KLRG1: variants seen among roughly 807,000 people sequenced by gnomAD.
The protein encoded by KLRG1 is killer cell lectin-like receptor subfamily G member 1.
KLRG1 carries 16 observed loss-of-function variants against 21.8 expected under a neutral mutation model. That is an observed-to-expected ratio of 0.73 (90% CI 0.50 to 1.11). The LOEUF is 1.11. Ranked by LOEUF, KLRG1 falls within the 50% of genes most tolerant of loss-of-function variation. KLRG1 has a pLI of 0.00. For missense variants in KLRG1, 173 were observed against 218.3 expected, an observed-to-expected ratio of 0.79 and a Z score of 1.31; for synonymous variants, 69 against 75.9, an observed-to-expected ratio of 0.91 and a Z score of 0.47.
At chr12:9,082,610 A>G in the KLRG1 span, among the ~76,000 whole-genome samples, 1 of 152,210 alleles carries the variant, frequency 6.6e-6, no homozygotes. Flanking sequence ...CTTTCTCCTC[A>G]AATGCACAAA....
At chr12:9,149,982 C>A in the KLRG1 span, among the ~76,000 whole-genome samples, 32 of 152,260 alleles carry the variant, frequency 2.1e-4, no homozygotes, top group South Asian at 6.4e-3. Flanking sequence ...CTTCTATAGA[C>A]CCCCAAAACT....
intron 1 of KLRG1, among the ~76,000 whole-genome samples, chr12:8,968,916 A>T (rs954220706): frequency 3.3e-5 from 5 of 152,246 alleles, no homozygotes; most frequent in Admixed American, 1.3e-4. Flanking sequence ...AAATGAAAAC[A>T]TTATCATCAT....
At chr12:9,117,006 A>T in the KLRG1 span, among the ~76,000 whole-genome samples, 1 of 152,152 alleles carries the variant, frequency 6.6e-6, no homozygotes, top group Admixed American at 6.5e-5. Context: ...CAGACCTGGA[A>T]CCTTTTAAAA....
intron 1 of KLRG1, among the ~76,000 whole-genome samples, chr12:8,953,654 G>T (rs1481221483): frequency 6.6e-6 from 1 of 151,960 alleles, no homozygotes; most frequent in Non-Finnish European, 1.5e-5. Flanking sequence ...CATTTTTTTT[G>T]GATAGAAATG....
chr12:9,046,804 G>A, the KLRG1 span, among the ~76,000 whole-genome samples: 1 of 152,272 alleles, frequency 6.6e-6, no homozygotes, highest in South Asian at 2.1e-4. Flanking sequence ...TAAAGAAAGG[G>A]AGAGCATTTA....
intron 1 of KLRG1, among the ~76,000 whole-genome samples, chr12:8,974,463 G>A (rs114950211): frequency 0.018 from 2,732 of 152,080 alleles, 76 homozygotes; most frequent in African/African-American, 0.062. Context: ...CACTGCGCCC[G>A]GCTGTCTCAG....
the KLRG1 span, among the ~76,000 whole-genome samples, chr12:9,142,014 A>G: frequency 6.6e-6 from 1 of 152,194 alleles, no homozygotes; most frequent in African/African-American, 2.4e-5. Context: ...TCCCTTTTAT[A>G]AATTTTTTCA....
the KLRG1 span, among the ~76,000 whole-genome samples, chr12:9,016,309 A>AT: frequency 1.3e-5 from 2 of 152,174 alleles, no homozygotes; most frequent in Admixed American, 6.5e-5. Flanking sequence ...AAAATCAGAG[A>AT]TAAAAAAAGG....
the KLRG1 span, chr12:9,166,017 C>T: frequency 6.4e-7 from 1 of 1,574,750 alleles, no homozygotes; most frequent in Admixed American, 2.0e-5. Context: ...ACATTCCCTC[C>T]CCTCCAGCAA....
chr12:8,958,900 A>G (rs1456204418), intron 1 of KLRG1, among the ~76,000 whole-genome samples: 1 of 152,086 alleles, frequency 6.6e-6, no homozygotes, highest in African/African-American at 2.4e-5. Context: ...TGGGGTTGAT[A>G]TGAATCTGTA....
the KLRG1 span, chr12:9,135,043 C>A: frequency 0.094 from 15,851 of 167,968 alleles, 923 homozygotes; most frequent in African/African-American, 0.16. Context: ...CCGGCGTTCC[C>A]GGGCCGCCCC....
At chr12:9,095,968 C>G in the KLRG1 span, among the ~76,000 whole-genome samples, 1 of 150,884 alleles carries the variant, frequency 6.6e-6, no homozygotes, top group Non-Finnish European at 1.5e-5. Flanking sequence ...ACCTTGTTAG[C>G]CAGGATGGTC....
the KLRG1 span, among the ~76,000 whole-genome samples, chr12:9,071,733 G>C: frequency 6.6e-6 from 1 of 152,130 alleles, no homozygotes; most frequent in African/African-American, 2.4e-5. Context: ...CAAGGATAAT[G>C]ACCTCCATCT....
chr12:9,167,332 C>T, the KLRG1 span: 1 of 152,256 alleles, frequency 6.6e-6, no homozygotes, highest in Non-Finnish European at 1.5e-5. Context: ...CCTACTCTTA[C>T]TGTCAACTTG....
chr12:9,034,548 C>T, the KLRG1 span, among the ~76,000 whole-genome samples: 52 of 152,030 alleles, frequency 3.4e-4, no homozygotes, highest in South Asian at 8.1e-3. Context: ...CCGGTTCCAG[C>T]GATTCTTCCG....
At chr12:9,100,948 A>G in the KLRG1 span, among the ~76,000 whole-genome samples, 2 of 152,212 alleles carry the variant, frequency 1.3e-5, no homozygotes, top group African/African-American at 4.8e-5. Flanking sequence ...ATTGGGTACA[A>G]TGTATACTGC....
At chr12:9,002,015 T>G (rs1425827253) in intron 3 of KLRG1, among the ~76,000 whole-genome samples, 2 of 152,218 alleles carry the variant, frequency 1.3e-5, no homozygotes, top group African/African-American at 4.8e-5. Context: ...AATATTATTT[T>G]TATACGTCTT....
the KLRG1 span, chr12:9,095,742 C>CTTTTTTTTTTTTTT: frequency 7.2e-6 from 2 of 276,800 alleles, no homozygotes. Flanking sequence ...TTATTTGTGA[C>CTTTTTTTTTTTTTT]TTTTTTTTTT....
At chr12:8,989,238 A>C (rs1234236010), upstream of KLRG1, among the ~76,000 whole-genome samples, 2 of 152,246 alleles carry the variant, frequency 1.3e-5, no homozygotes, top group Admixed American at 1.3e-4. Context: ...CTCATTTGGC[A>C]TACATCTACT....
Sources: gnomAD v4.1 joint callset for allele counts (sites outside exome capture counted in the v4.1 genomes callset) on GRCh38, gnomAD v4.1.1 for gene constraint, MANE v1.5 for transcripts, NCBI Gene and HGNC (gene_info 2026-07-23, HGNC 2026-07-21) for gene names.